The following CCNB1 variants were observed in gnomAD, a reference collection of about 807,000 sequenced individuals.
CCNB1 encodes the protein G2/mitotic-specific cyclin-B1.
In CCNB1, 26 loss-of-function variants were observed where a neutral mutation model predicts 44.4. The observed-to-expected ratio is 0.59, with a 90% CI of 0.43 to 0.81. CCNB1 has a LOEUF of 0.81. Ranked by LOEUF, CCNB1 falls within the 40% of genes least tolerant of loss-of-function variation. The pLI, the probability that CCNB1 is intolerant of heterozygous loss-of-function variation, is 0.00. For missense variants in CCNB1, 477 were observed against 520.9 expected (o/e 0.92, Z 0.82); for synonymous variants, 195 against 181.4 (o/e 1.08, Z -0.60).
At chr5:69,169,986 CAG>C (rs1168254714) in intron 3 of CCNB1, among the ~76,000 whole-genome samples, 4 of 148,714 alleles carry the variant, frequency 2.7e-5, no homozygotes, top group Admixed American at 6.8e-5. Context: ...TTTCCCAAGA[CAG>C]AGTCTTGCTC....
intron 5 of CCNB1, 71 bp from the exon 6 acceptor site, chr5:69,174,806 C>T (rs1747545185): frequency 8.7e-7 from 1 of 1,149,114 alleles, no homozygotes; most frequent in Non-Finnish European, 1.3e-6. Context: ...TGTCTTTCTA[C>T]CTCTCCTTCA....
intron 1 of CCNB1, 74 bp from the exon 2 acceptor site, chr5:69,167,834 G>A: frequency 7.4e-7 from 1 of 1,353,156 alleles, no homozygotes; most frequent in South Asian, 1.4e-5. Context: ...TTCTCCTTGT[G>A]CCCCACCTTA....
At chr5:69,168,824 G>C (rs1412505268) in intron 3 of CCNB1, among the ~76,000 whole-genome samples, 1 of 152,126 alleles carries the variant, frequency 6.6e-6, no homozygotes, top group East Asian at 1.9e-4. Flanking sequence ...CTGTAACATT[G>C]GAATATGCAA....
chr5:69,176,904 G>C (rs1234302737), intron 7 of CCNB1, among the ~76,000 whole-genome samples: 2 of 151,770 alleles, frequency 1.3e-5, no homozygotes, highest in Non-Finnish European at 2.9e-5. Context: ...ACTTGAACCT[G>C]GGGGCGGAGG....
rs1747631171 is a variant in CCNB1 at position 69,177,794 on chromosome 5, G to A, written c.*163G>A. On this transcript the variant is annotated 3_prime_UTR_variant, in exon 9 of 9. Transcript: ENST00000256442. ...TGGTTACTTCCTACTGTAGGGTAGC[G>A]GAAAAGTTGTCTTAAAAGGTATGGT... The A allele has an allele frequency of 3.7e-6, 2 of 539,324 alleles. No individual in the cohort carries two copies. Among genetic ancestry groups the A allele is most frequent in the Non-Finnish European group, 6.6e-6 (2 of 301,974 alleles). The allele number at this position is 539,324 out of a possible 1,614,324, so 33.4% of individuals were successfully genotyped here.
At chr5:69,169,674 A>G (rs191403869) in intron 3 of CCNB1, among the ~76,000 whole-genome samples, 252 of 150,776 alleles carry the variant, frequency 1.7e-3, no homozygotes, top group African/African-American at 5.9e-3. Context: ...TCCCTTTGAG[A>G]CAGAGTCTCA....
chr5:69,176,337 T>C (rs1198241339), intron 7 of CCNB1, among the ~76,000 whole-genome samples: 2 of 151,782 alleles, frequency 1.3e-5, no homozygotes, highest in African/African-American at 4.8e-5. Context: ...GCTTCTCCTA[T>C]GTGACAGGCA....
chr5:69,175,552 A>C lies in CCNB1; in HGVS notation c.1083+15A>C. Reference sequence around the variant, plus strand: ...ATGGTGAATGGGTAAGCTGTGTCCCACAGAACTCCTAAGCTTTTAAATTTT... The same window carrying C: ...ATGGTGAATGGGTAAGCTGTGTCCCCCAGAACTCCTAAGCTTTTAAATTTT... On this transcript the variant is annotated intron_variant, in intron 7 of 8. Transcript: ENST00000256442. 1 of 1,610,736 alleles carries C rather than the reference A, an allele frequency of 6.2e-7. No individual in the cohort carries two copies. The highest frequency in any genetic ancestry group is 8.5e-7 in the Non-Finnish European group (1 of 1,178,940).
chr5:69,177,676 C>T lies in CCNB1; in HGVS notation c.*45C>T. ...GTACTATATTTACAAATAAAATTGGCACCATGTGCCATCTGTACATATTAC... is the reference window on the plus strand; with the variant it reads ...GTACTATATTTACAAATAAAATTGGTACCATGTGCCATCTGTACATATTAC... On this transcript the variant is annotated 3_prime_UTR_variant, in exon 9 of 9. Coordinates refer to ENST00000256442, the MANE Select transcript of CCNB1 (RefSeq NM_031966.4). The T allele has an allele frequency of 8.7e-7, 1 of 1,152,494 alleles. No homozygotes were observed. Among genetic ancestry groups the T allele is most frequent in the Non-Finnish European group, 1.3e-6 (1 of 768,550 alleles). The allele number at this position is 1,152,494 out of a possible 1,614,324, so 71.4% of individuals were successfully genotyped here.
At chr5:69,167,598 C>T in intron 1 of CCNB1, 1 of 509,350 alleles carries the variant, frequency 2.0e-6, no homozygotes, top group Non-Finnish European at 3.5e-6. Context: ...GCCAGCAACT[C>T]TGTAACCCCC....
At position 69,174,909 on chromosome 5, in the gene CCNB1, G is replaced by A; in HGVS notation, c.738G>A (p.Leu246=). 1 of 1,614,114 alleles carries A rather than the reference G, an allele frequency of 6.2e-7. No individual in the cohort carries two copies. The highest frequency in any genetic ancestry group is 8.5e-7 in the Non-Finnish European group (1 of 1,179,984). The change falls in exon 6 of 9, where the codon CTG becomes CTA. Residue 246 remains leucine (L), a synonymous_variant. Coordinates refer to ENST00000256442, the MANE Select transcript of CCNB1 (RefSeq NM_031966.4). ...NNCVPKKMLQ[L]VGVTAMFIAS... The stretch of plus-strand genomic sequence containing the variant: ...GTGTGCCCAAGAAGATGCTGCAGCT[G>A]GTTGGTGTCACTGCCATGTTTATTG...
Position 69,168,279 on chromosome 5 carries a change from A to C in CCNB1, c.299A>C (p.Glu100Ala), listed in dbSNP as rs1392076496. 6.2e-7 allele frequency: 1 copy of C among 1,613,154 alleles called. No individual in the cohort carries two copies. The change falls in exon 3 of 9, where the codon GAG (glutamate) becomes GCG (alanine). Residue 100 changes from glutamate (E) to alanine (A), a missense_variant. Transcript: ENST00000256442. Reference protein sequence around the residue: ...VPVPVSEPVPEPEPEPEPEPV... With the variant: ...VPVPVSEPVPAPEPEPEPEPV... ...GTGCCAGTGTCTGAGCCAGTGCCAG[A>C]GCCAGAACCTGAGCCAGAACCTGAG...
intron 1 of CCNB1, 58 bp from the exon 2 acceptor site, chr5:69,167,850 C>T (rs1747369793): frequency 1.3e-6 from 2 of 1,489,098 alleles, no homozygotes; most frequent in African/African-American, 1.4e-5. Context: ...CCTTAATTAA[C>T]CCTTGACTTA....
At chr5:69,167,388 A>C (rs778182170) in intron 1 of CCNB1, 105 bp downstream of exon 1, 12 of 1,345,340 alleles carry the variant, frequency 8.9e-6, no homozygotes, top group Non-Finnish European at 1.3e-5. Context: ...CGCAGGAGCG[A>C]TTTGGGGAGG....
chr5:69,174,284 G>A lies in CCNB1; in HGVS notation c.580G>A (p.Gly194Ser), dbSNP rs767895384. The A allele has an allele frequency of 6.2e-7, 1 of 1,614,042 alleles. No individual in the cohort carries two copies. Among genetic ancestry groups the A allele is most frequent in the South Asian group, 1.1e-5 (1 of 91,082 alleles). The change falls in exon 5 of 9, where the codon GGT (glycine) becomes AGT (serine). Residue 194 changes from glycine (G) to serine (S), a missense_variant. Coordinates refer to ENST00000256442, the MANE Select transcript of CCNB1 (RefSeq NM_031966.4). ...AGCAGTCAGACCAAAATACCTACTG[G>A]GTCGGGAAGTCACTGGAAACATGAG... ...EQAVRPKYLL[G>S]REVTGNMRAI...
chr5:69,173,919 G>GC (rs1747520335), intron 4 of CCNB1, among the ~76,000 whole-genome samples: 1 of 152,056 alleles, frequency 6.6e-6, no homozygotes, highest in African/African-American at 2.4e-5. Flanking sequence ...ACAGGTGTGC[G>GC]CAACCATGCC....
At chr5:69,177,408 C>G in intron 8 of CCNB1, 59 bp downstream of exon 8, 1 of 1,244,714 alleles carries the variant, frequency 8.0e-7, no homozygotes, top group Non-Finnish European at 1.2e-6. Flanking sequence ...AAACTTAATG[C>G]CTGCAAATGC....
rs774302935 is a variant in CCNB1 at position 69,177,215 on chromosome 5, T to G, written c.1084-24T>G. The G allele has an allele frequency of 3.8e-6, 5 of 1,329,374 alleles. No individual in the cohort carries two copies. In the East Asian group the frequency reaches 1.2e-4, roughly 31 times the overall value. The allele number at this position is 1,329,374 out of a possible 1,614,324, so 82.3% of individuals were successfully genotyped here. On this transcript the variant is annotated intron_variant, in intron 7 of 8. Coordinates refer to ENST00000256442, the MANE Select transcript of CCNB1 (RefSeq NM_031966.4). ...GAAAATCATTATTGATTTGAGCATT[T>G]TTAACATTAACTTGTTGCCTTAGAC... is the stretch of plus-strand genomic sequence containing the variant.
intron 3 of CCNB1, among the ~76,000 whole-genome samples, chr5:69,170,606 A>G (rs1247805366): frequency 6.6e-6 from 1 of 151,154 alleles, no homozygotes; most frequent in African/African-American, 2.4e-5. Context: ...ATGTGAATTT[A>G]TTTGCTTCCA....
Sources: gnomAD v4.1 joint callset for allele counts (sites outside exome capture counted in the v4.1 genomes callset) on GRCh38, gnomAD v4.1.1 for gene constraint, MANE v1.5 for transcripts, NCBI Gene and HGNC (gene_info 2026-07-23, HGNC 2026-07-21) for gene names.